The following MPP2 variants were observed in gnomAD, a reference collection of about 807,000 sequenced individuals.
MPP2 encodes the protein MAGUK p55 subfamily member 2.
MPP2 carries 42 observed loss-of-function variants against 58.5 expected under a neutral mutation model. The ratio of observed to expected loss-of-function variants is 0.72; its 90% CI spans 0.56 to 0.93. The LOEUF is 0.93. MPP2 is among the 40% of genes least tolerant of loss of function. The pLI, the probability that MPP2 is intolerant of heterozygous loss-of-function variation, is 0.00. For missense variants in MPP2, 632 were observed against 760.4 expected, an observed-to-expected ratio of 0.83 and a Z score of 1.99; for synonymous variants, 300 against 307.8, an observed-to-expected ratio of 0.97 and a Z score of 0.26.
intron 3 of MPP2, among the ~76,000 whole-genome samples, chr17:43,892,195 C>G (rs1296548455): frequency 6.6e-6 from 1 of 152,240 alleles, no homozygotes; most frequent in Non-Finnish European, 1.5e-5. Flanking sequence ...TCTACCCAGC[C>G]TGGCCCCTCC....
At chr17:43,896,372 T>C (rs1342502157) in intron 3 of MPP2, among the ~76,000 whole-genome samples, 2 of 152,106 alleles carry the variant, frequency 1.3e-5, no homozygotes, top group African/African-American at 4.8e-5. Context: ...TACATTATCA[T>C]GGCATCCCTA....
chr17:43,904,591 G>A (rs2048219824), intron 1 of MPP2, 98 bp from the exon 2 acceptor site: 1 of 1,014,486 alleles, frequency 9.9e-7, no homozygotes, highest in Non-Finnish European at 1.5e-6. Context: ...AGAAAGGTAG[G>A]GGAGAAGGTG....
rs538615690 is a variant in MPP2 at position 43,907,120 on chromosome 17, G to T, written c.-34+354C>A. ...CAACCCCCGGAAGCGCTAACAGCAC[G>T]GTTCTTACGTAATGCCGGGCTTCTA... On this transcript the variant is annotated intron_variant, in intron 1 of 12. Transcript: ENST00000269095. 1.7e-5 allele frequency: 16 copies of T among 964,900 alleles called. No homozygotes were observed. The East Asian group carries it at 1.8e-3, about 111-fold the overall frequency. 59.8% of individuals were successfully genotyped at this position (964,900 alleles called of 1,614,324 possible).
At chr17:43,878,087 C>G (rs1184297198) in intron 12 of MPP2, 104 bp from the exon 13 acceptor site, 1 of 1,291,236 alleles carries the variant, frequency 7.7e-7, no homozygotes, top group Admixed American at 2.4e-5. Flanking sequence ...AAAGCCCAAC[C>G]CTGGTGTGGA....
chr17:43,907,993 G>C (rs573814663), upstream of MPP2: 24 of 985,118 alleles, frequency 2.4e-5, no homozygotes, highest in South Asian at 1.0e-3. Flanking sequence ...GCCCCAGAAG[G>C]CCTCGGGATC....
chr17:43,888,302 C>A (rs996796950), intron 3 of MPP2, among the ~76,000 whole-genome samples: 2 of 152,218 alleles, frequency 1.3e-5, no homozygotes, highest in African/African-American at 4.8e-5. Flanking sequence ...CCACAACCTA[C>A]TGGGGAAACA....
intron 2 of MPP2, 138 bp downstream of exon 2, chr17:43,904,292 G>T (rs950802751): frequency 2.7e-6 from 2 of 737,676 alleles, no homozygotes; most frequent in Non-Finnish European, 4.7e-6. Context: ...GCTGCCAGAA[G>T]GAATGGCTGA....
Position 43,879,517 on chromosome 17 carries a change from A to T in MPP2, c.1354-114T>A. The T allele has an allele frequency of 1.5e-6, 2 of 1,373,834 alleles. No individual in the cohort carries two copies. The highest frequency in any genetic ancestry group is 2.0e-6 in the Non-Finnish European group (2 of 986,014). 85.1% of individuals were successfully genotyped at this position (1,373,834 alleles called of 1,614,324 possible). A position where few individuals can be genotyped will look rare whatever the true frequency, so the allele number is the denominator to read the frequency against. ...TGAGCACTTGGGAGTGGATGAGAAA[A>T]GGGTGCCCGGGGGTCTGGGACATGA... On this transcript the variant is annotated intron_variant, in intron 11 of 12. Transcript: ENST00000269095. The surrounding 1 kb of genome is among the most constrained non-coding windows in gnomAD (Gnocchi z 4.1).
At position 43,876,391 on chromosome 17, in the gene MPP2, T is replaced by C. The variant is rs960242584; in HGVS notation, c.*1416A>G. 1.3e-5 allele frequency: 2 copies of C among 152,346 alleles called. No individual in the cohort carries two copies. Among genetic ancestry groups the C allele is most frequent in the African/African-American group, 4.8e-5 (2 of 41,424 alleles). 9.4% of individuals were successfully genotyped at this position (152,346 alleles called of 1,614,324 possible). On this transcript the variant is annotated 3_prime_UTR_variant, in exon 13 of 13. Transcript: ENST00000269095. ...GAAGGATGAGATGCCCAAGTACATC[T>C]AGGACAGCATTCTTTCTTAAAGGGA...
Position 43,881,148 on chromosome 17 carries a change from G to A in MPP2, c.930C>T (p.Cys310=), listed in dbSNP as rs573008913. 53 of 1,614,026 alleles carry A rather than the reference G, an allele frequency of 3.3e-5. No homozygotes were observed. The East Asian group carries it at 8.9e-4, about 27-fold the overall frequency. The change falls in exon 9 of 13, where the codon TGC becomes TGT. Residue 310 remains cysteine, a synonymous_variant. Coordinates refer to ENST00000269095, the MANE Select transcript of MPP2 (RefSeq NM_005374.5). ...LELTPNSGTL[C]GSLSGKKKKR... Reference sequence around the variant, plus strand: ...TCTTTTTCTTTCCTGAAAGGCTGCCGCATAGGGTCCCTGGCCATAGGGAGA... The same window carrying A: ...TCTTTTTCTTTCCTGAAAGGCTGCCACATAGGGTCCCTGGCCATAGGGAGA...
chr17:43,881,953 C>T (rs943972725), intron 6 of MPP2, among the ~76,000 whole-genome samples: 3 of 152,184 alleles, frequency 2.0e-5, no homozygotes, highest in Non-Finnish European at 4.4e-5. Context: ...AATTGACCAA[C>T]CAGGAGACAG....
Position 43,880,489 on chromosome 17 carries a change from C to T in MPP2, c.1150+202G>A, listed in dbSNP as rs2047059029. ...GACGCCAGCCCAGCCCGCTAGGCCACCTGTTGGCTGGACACCTCCCTCACC... is the reference window on the plus strand; with the variant it reads ...GACGCCAGCCCAGCCCGCTAGGCCATCTGTTGGCTGGACACCTCCCTCACC... On this transcript the variant is annotated intron_variant, in intron 10 of 12. Transcript: ENST00000269095. This position sits in a 1 kb window ranked among gnomAD's most constrained non-coding sequence, Gnocchi z 5.2. Among the ~76,000 whole-genome samples the T allele has an allele frequency of 1.3e-5, 2 of 152,338 alleles. No homozygotes were observed. Among genetic ancestry groups the T allele is most frequent in the Middle Eastern group, 3.4e-3 (1 of 294 alleles).
rs1251963586 is a variant in MPP2, at chr17:43,880,560, CCCCAA to C, written c.1150+126_1150+130del. 6.4e-6 allele frequency: 7 copies of C among 1,097,368 alleles called. No individual in the cohort carries two copies. Among genetic ancestry groups the C allele is most frequent in the African/African-American group, 1.6e-5 (1 of 63,182 alleles). 68.0% of individuals were successfully genotyped at this position (1,097,368 alleles called of 1,614,324 possible). On this transcript the variant is annotated intron_variant, in intron 10 of 12. Transcript: ENST00000269095. This position sits in a 1 kb window ranked among gnomAD's most constrained non-coding sequence, Gnocchi z 5.2. ...CCTAACCACCCACAGAGGGCGTGCA[CCCCAA>C]CCCGTGTACCCAAAGGTACCACCTG...
intron 6 of MPP2, among the ~76,000 whole-genome samples, chr17:43,882,002 C>T (rs1422704713): frequency 6.6e-6 from 1 of 152,222 alleles, no homozygotes; most frequent in African/African-American, 2.4e-5. Flanking sequence ...TGCGCACGCG[C>T]ACAAACGTGA....
intron 6 of MPP2, 103 bp downstream of exon 6, chr17:43,882,181 C>T: frequency 1.7e-6 from 2 of 1,162,228 alleles, no homozygotes; most frequent in East Asian, 2.4e-5. Context: ...CCCATCTTCC[C>T]TGGAGGAAAC....
Position 43,881,080 on chromosome 17 carries a change from T to C in MPP2, c.988+10A>G, listed in dbSNP as rs763349390. 2.5e-6 allele frequency: 4 copies of C among 1,613,656 alleles called. No homozygotes were observed. The highest frequency in any genetic ancestry group is 2.2e-5 in the South Asian group (2 of 91,054). On this transcript the variant is annotated intron_variant, in intron 9 of 12. Coordinates refer to ENST00000269095, the MANE Select transcript of MPP2 (RefSeq NM_005374.5). ...GAGGAGGGTAAGGGAGGGGGCGCTC[T>C]GATACCCACCTGCATTCTTGGTGGT...
upstream of MPP2, chr17:43,907,736 C>T: frequency 1.0e-6 from 1 of 985,506 alleles, no homozygotes; most frequent in Non-Finnish European, 1.2e-6. Context: ...GCTGGAGTCC[C>T]ACTGGGAAGG....
In MPP2 at chr17:43,882,523, A is replaced by T; in HGVS notation, c.454-12T>A. The T allele has an allele frequency of 1.2e-6, 2 of 1,600,658 alleles. No individual in the cohort carries two copies. The highest frequency in any genetic ancestry group is 1.7e-6 in the Non-Finnish European group (2 of 1,179,148). On this transcript the variant is annotated splice_polypyrimidine_tract_variant and intron_variant, in intron 5 of 12. Coordinates refer to ENST00000269095, the MANE Select transcript of MPP2 (RefSeq NM_005374.5). ...CGGAACGTTACACCCTGGAGGTCAG[A>T]GGGAGTGTAAGATGAGGCCCCAATT...
chr17:43,900,444 G>T, intron 2 of MPP2: 4 of 837,040 alleles, frequency 4.8e-6, no homozygotes, highest in East Asian at 3.9e-5. Flanking sequence ...CAGCTGCCCC[G>T]CCCCCATCTG....
Sources: allele counts gnomAD v4.1 joint callset (sites outside exome capture counted in the v4.1 genomes callset), GRCh38; gene constraint gnomAD v4.1.1; non-coding constraint Gnocchi (gnomAD v3.1); transcripts MANE v1.5; gene names NCBI Gene and HGNC (gene_info 2026-07-23, HGNC 2026-07-21).